Variants in ALPK1 observed in about 807,000 individuals in gnomAD.
The protein encoded by ALPK1 is alpha kinase 1, also known as alpha-protein kinase 1.
ALPK1 carries 110 observed loss-of-function variants against 120.6 expected under a neutral mutation model. The ratio of observed to expected loss-of-function variants is 0.91; its 90% confidence interval spans 0.78 to 1.07. The LOEUF is 1.07. ALPK1 is among the 50% of genes least tolerant of loss of function. ALPK1 has a pLI of 0.00. For missense variants in ALPK1, 1,498 were observed against 1,483.9 expected, an observed-to-expected ratio of 1.01 and a Z score of -0.16; for synonymous variants, 582 against 560.3, an observed-to-expected ratio of 1.04 and a Z score of -0.55.
intron 12 of ALPK1, among the ~76,000 whole-genome samples, chr4:112,437,594 C>T (rs1734841918): frequency 6.6e-6 from 1 of 152,192 alleles, no homozygotes; most frequent in South Asian, 2.1e-4. Flanking sequence ...CTGCCTAAAG[C>T]ACTGGTATGG....
At chr4:112,358,100 G>A (rs1730729526) in intron 2 of ALPK1, 7 of 587,660 alleles carry the variant, frequency 1.2e-5, no homozygotes, top group East Asian at 4.1e-5. Context: ...CTTAAGATGC[G>A]AGATGAAGGG....
chr4:112,392,607 A>T (rs1287495796), intron 4 of ALPK1, among the ~76,000 whole-genome samples: 1 of 152,168 alleles, frequency 6.6e-6, no homozygotes, highest in Admixed American at 6.5e-5. Flanking sequence ...GCTGACTGTA[A>T]CCTCTGCTTC....
chr4:112,357,052 G>A, intron 2 of ALPK1: 1 of 897,658 alleles, frequency 1.1e-6, no homozygotes, highest in South Asian at 1.4e-5. Flanking sequence ...GCTCAGGGCT[G>A]AACATGGAGC....
intron 2 of ALPK1, among the ~76,000 whole-genome samples, chr4:112,371,509 T>G (rs575891049): frequency 4.6e-5 from 7 of 152,330 alleles, no homozygotes; most frequent in African/African-American, 1.7e-4. Flanking sequence ...CCCCACCATT[T>G]TAACTTCATT....
chr4:112,398,400 C>A (rs1351338396), intron 4 of ALPK1, among the ~76,000 whole-genome samples: 1 of 152,018 alleles, frequency 6.6e-6, no homozygotes, highest in East Asian at 1.9e-4. Context: ...TCAAGTGATC[C>A]TCCCACCTCA....
At position 112,425,791 on chromosome 4, in the gene ALPK1, A is replaced by G; in HGVS notation, c.622+40A>G. The G allele has an allele frequency of 2.0e-6, 3 of 1,528,410 alleles. No homozygotes were observed. In the East Asian group the frequency reaches 6.8e-5, roughly 35 times the overall value. 94.7% of individuals were successfully genotyped at this position (1,528,410 alleles called of 1,614,324 possible). ...AACTTGCATTTCTCAAGGCTCATTT[A>G]CAAAGCCTGGCTGCATGGTTTCACT... On this transcript the variant is annotated intron_variant, in intron 7 of 15. Transcript: ENST00000650871.
intron 2 of ALPK1, chr4:112,356,784 C>A: frequency 2.7e-6 from 2 of 740,598 alleles, no homozygotes; most frequent in South Asian, 2.7e-5. Context: ...AAGCAGCAAG[C>A]CGACATCGTC....
At position 112,431,175 on chromosome 4, in the gene ALPK1, AT is replaced by A. The variant is rs777863248; in HGVS notation, c.1629del (p.Asp543GlufsTer32). 1.2e-6 allele frequency: 2 copies of A among 1,614,192 alleles called. No individual in the cohort carries two copies. Among genetic ancestry groups the A allele is most frequent in the Non-Finnish European group, 1.7e-6 (2 of 1,180,042 alleles). On this transcript the variant is annotated frameshift_variant, in exon 11 of 16. Transcript: ENST00000650871. LOFTEE classifies it high-confidence loss of function. ...RGGRRNWTHS[D>X]AFRVSLDQDV... ...GGAAGGAGAAACTGGACCCATTCTGATGCATTTCGAGTCTCCTTGGATCAAG... is the reference window on the plus strand; with the variant it reads ...GGAAGGAGAAACTGGACCCATTCTGAGCATTTCGAGTCTCCTTGGATCAAG...
intron 2 of ALPK1, among the ~76,000 whole-genome samples, chr4:112,333,212 T>C (rs1729464138): frequency 6.6e-6 from 1 of 152,250 alleles, no homozygotes; most frequent in African/African-American, 2.4e-5. Context: ...TGCATAATTA[T>C]GCCCACCTTG....
chr4:112,386,246 G>T (rs1732145573), intron 4 of ALPK1, among the ~76,000 whole-genome samples: 1 of 151,836 alleles, frequency 6.6e-6, no homozygotes, highest in African/African-American at 2.4e-5. Flanking sequence ...TTTTCCTTTG[G>T]TGTGTGGCCA....
At chr4:112,335,431 G>C (rs1729571614) in intron 2 of ALPK1, among the ~76,000 whole-genome samples, 2 of 152,166 alleles carry the variant, frequency 1.3e-5, no homozygotes, top group Admixed American at 6.5e-5. Flanking sequence ...GAATGCCTTT[G>C]TGGGAGGATG....
chr4:112,357,804 A>G (rs558452672), intron 2 of ALPK1: 2 of 1,020,016 alleles, frequency 2.0e-6, no homozygotes, highest in African/African-American at 1.6e-5. Flanking sequence ...TCTTCCCTTC[A>G]TATCCCATCA....
chr4:112,430,445 C>T lies in ALPK1; in HGVS notation c.901-3C>T. On this transcript the variant is annotated splice_region_variant and splice_polypyrimidine_tract_variant and intron_variant, in intron 10 of 15. Transcript: ENST00000650871. Reference sequence around the variant, plus strand: ...CTGATTTGGTATTTGGTATTTTTCCCAGAATATCCGTGGCACGTGTTTATT... The same window carrying T: ...CTGATTTGGTATTTGGTATTTTTCCTAGAATATCCGTGGCACGTGTTTATT... 1.3e-6 allele frequency: 2 copies of T among 1,555,960 alleles called. No individual in the cohort carries two copies. The highest frequency in any genetic ancestry group is 1.7e-6 in the Non-Finnish European group (2 of 1,148,992).
rs1730763783 is a variant in ALPK1 at position 112,358,669 on chromosome 4, C to G, written c.-100-19009C>G. ...CAGGCCCACAGGTGCTCCACCCTGT[C>G]TCTCCCATCTAAGAGGCTGGCAGAG... On this transcript the variant is annotated intron_variant, in intron 2 of 15. Coordinates refer to ENST00000650871, the MANE Select transcript of ALPK1 (RefSeq NM_025144.4). 5 of 716,724 alleles carry G rather than the reference C, an allele frequency of 7.0e-6. No individual in the cohort carries two copies. In the South Asian group the frequency reaches 7.3e-5, roughly 11 times the overall value. The allele number at this position is 716,724 out of a possible 1,614,324, so 44.4% of individuals were successfully genotyped here.
chr4:112,425,946 T>A (rs532730383), intron 7 of ALPK1, 195 bp downstream of exon 7: 1 of 450,304 alleles, frequency 2.2e-6, no homozygotes, highest in African/African-American at 2.0e-5. Flanking sequence ...TTTTTTCTAG[T>A]GAGTTTTGTT....
intron 2 of ALPK1, among the ~76,000 whole-genome samples, chr4:112,319,453 T>C (rs1328260519): frequency 6.6e-6 from 1 of 152,226 alleles, no homozygotes; most frequent in African/African-American, 2.4e-5. Flanking sequence ...TTTTGGTGAC[T>C]ATGGCCTTAT....
At chr4:112,412,048 CCCCCG>C in intron 5 of ALPK1, 23 bp downstream of exon 5, 1 of 1,612,178 alleles carries the variant, frequency 6.2e-7, no homozygotes, top group Non-Finnish European at 8.5e-7. Flanking sequence ...CTGCTGGCCG[CCCCCG>C]CGTCCTCAGT....
chr4:112,376,292 G>A (rs763755085), intron 2 of ALPK1, among the ~76,000 whole-genome samples: 1 of 152,152 alleles, frequency 6.6e-6, no homozygotes, highest in Admixed American at 6.5e-5. Context: ...TGAGCACTCT[G>A]CTTGTGTTCT....
chr4:112,340,692 G>A (rs1048153688), intron 2 of ALPK1, among the ~76,000 whole-genome samples: 1 of 152,192 alleles, frequency 6.6e-6, no homozygotes. Context: ...CTTTGTGCGT[G>A]AGCAATGTCC....
Sources: allele counts gnomAD v4.1 joint callset (sites outside exome capture counted in the v4.1 genomes callset), GRCh38; gene constraint gnomAD v4.1.1; transcripts MANE v1.5; gene names NCBI Gene and HGNC (gene_info 2026-07-23, HGNC 2026-07-21).